USP50: variants seen among roughly 807,000 people sequenced by gnomAD.
USP50 encodes ubiquitin specific peptidase 50.
USP50 carries 37 observed loss-of-function variants against 39.2 expected under a neutral mutation model. The ratio of observed to expected loss-of-function variants is 0.94; its 90% CI spans 0.73 to 1.24. The LOEUF is 1.24. USP50 is among the 50% of genes most tolerant of loss of function. USP50 has a pLI of 0.00. For missense variants in USP50, 374 were observed against 398.2 expected (o/e 0.94, Z 0.52); for synonymous variants, 139 against 144.5 (o/e 0.96, Z 0.27).
intron 6 of USP50, among the ~76,000 whole-genome samples, chr15:50,529,257 C>A (rs1247503601): frequency 6.6e-6 from 1 of 151,754 alleles, no homozygotes; most frequent in African/African-American, 2.4e-5. Flanking sequence ...TGCTTGTAAT[C>A]CCAGCACTTT....
chr15:50,493,780 G>GGACA (rs1315274736), downstream of USP50: 1 of 518,524 alleles, frequency 1.9e-6, no homozygotes, highest in African/African-American at 1.9e-5. Context: ...GATTAGTAAA[G>GGACA]GACAGACAGG....
chr15:50,498,350 C>A, downstream of USP50: 1 of 401,266 alleles, frequency 2.5e-6, no homozygotes, highest in Non-Finnish European at 4.4e-6. Context: ...AGAGTATAGT[C>A]CTACCTCTAC....
intron 6 of USP50, among the ~76,000 whole-genome samples, chr15:50,526,508 A>T (rs2052899647): frequency 6.6e-6 from 1 of 152,262 alleles, no homozygotes; most frequent in African/African-American, 2.4e-5. Flanking sequence ...TATTGTTAGC[A>T]TATGGTTGCC....
intron 1 of USP50, among the ~76,000 whole-genome samples, chr15:50,494,937 C>A (rs1459497753): frequency 6.6e-6 from 1 of 151,652 alleles, no homozygotes; most frequent in Non-Finnish European, 1.5e-5. Context: ...ATCGCTTGAA[C>A]CTGGGAGGCA....
At chr15:50,517,129 A>G (rs2052809753) in intron 6 of USP50, among the ~76,000 whole-genome samples, 1 of 152,204 alleles carries the variant, frequency 6.6e-6, no homozygotes, top group African/African-American at 2.4e-5. Context: ...GCACATGCAG[A>G]ATATTCTCCA....
At chr15:50,508,456 C>A (rs1404961525) in intron 6 of USP50, 1 of 151,932 alleles carries the variant, frequency 6.6e-6, no homozygotes, top group African/African-American at 2.4e-5. Context: ...TTGAAATATT[C>A]TATAATAAAA....
At chr15:50,530,719 G>T (rs1313776899) in intron 5 of USP50, among the ~76,000 whole-genome samples, 1 of 152,126 alleles carries the variant, frequency 6.6e-6, no homozygotes, top group Non-Finnish European at 1.5e-5. Context: ...TTGAATCAAG[G>T]AGTGAGATAG....
At chr15:50,530,728 A>G (rs761863600) in intron 5 of USP50, among the ~76,000 whole-genome samples, 16 of 152,230 alleles carry the variant, frequency 1.1e-4, no homozygotes, top group Non-Finnish European at 1.8e-4. Flanking sequence ...GGAGTGAGAT[A>G]GCAAAGATTC....
intron 6 of USP50, among the ~76,000 whole-genome samples, chr15:50,527,637 TA>T (rs1311156983): frequency 6.8e-6 from 1 of 146,528 alleles, no homozygotes; most frequent in Non-Finnish European, 1.5e-5. Flanking sequence ...CTTAGTTTTT[TA>T]TTGTTGTTTT....
chr15:50,544,827 T>C, intron 1 of USP50, 46 bp from the exon 2 acceptor site: 5 of 1,552,372 alleles, frequency 3.2e-6, no homozygotes, highest in Non-Finnish European at 4.4e-6. Flanking sequence ...GAGAACAAAA[T>C]ATGTACAAAT....
chr15:50,497,618 T>C (rs1031575881), downstream of USP50: 2 of 153,242 alleles, frequency 1.3e-5, no homozygotes, highest in African/African-American at 4.8e-5. Flanking sequence ...AGTATTTTAA[T>C]GATAAAATAT....
rs1596003567 is a variant in USP50 at position 50,505,296 on chromosome 15, A to G, written c.937-4459T>C. The G allele has an allele frequency of 3.3e-5, 5 of 152,266 alleles. No homozygotes were observed. The Middle Eastern group carries it at 0.014, about 414-fold the overall frequency. The allele number at this position is 152,266 out of a possible 1,614,324, so 9.4% of individuals were successfully genotyped here. On this transcript the variant is annotated intron_variant, in intron 6 of 6. Coordinates refer to ENST00000532404, the MANE Select transcript of USP50 (RefSeq NM_203494.5). ...CTTAAAAGCAACCAGAAAGAAAAAG[A>G]GAGTTTACCCACAAGAATCTAACCT...
At chr15:50,508,263 T>C (rs1360178643) in intron 6 of USP50, 1 of 151,880 alleles carries the variant, frequency 6.6e-6, no homozygotes, top group Non-Finnish European at 1.5e-5. Flanking sequence ...GTAATGAAAA[T>C]ACTATATCAA....
Position 50,546,495 on chromosome 15 carries a change from C to A in USP50, c.31G>T (p.Asp11Tyr). Residue 11 changes from aspartate (D) to tyrosine (Y), a missense_variant, in exon 1 of 7, where the codon GAC (aspartate) becomes TAC (tyrosine). Coordinates refer to ENST00000532404, the MANE Select transcript of USP50 (RefSeq NM_203494.5). ...CACAGGACGTGGTAGATATCGAAGT[C>A]ATCTGCAGGGAGAGACGGCTGAGAA... is the stretch of plus-strand genomic sequence containing the variant. The part of the protein sequence containing the change: MTSQPSLPAD[D>Y]FDIYHVLAEC... 1 of 1,613,732 alleles carries A rather than the reference C, an allele frequency of 6.2e-7. No individual in the cohort carries two copies. Among genetic ancestry groups the A allele is most frequent in the South Asian group, 1.1e-5 (1 of 91,048 alleles).
At chr15:50,501,040 A>G (rs1461006277) in intron 6 of USP50, 3 of 514,892 alleles carry the variant, frequency 5.8e-6, no homozygotes, top group African/African-American at 5.7e-5. Context: ...TGTTGTGCCC[A>G]TTGACTATCA....
At chr15:50,499,476 C>CAGAT (rs771283189), downstream of USP50, 225 of 155,932 alleles carry the variant, frequency 1.4e-3, no homozygotes, top group Middle Eastern at 0.017. Context: ...TGATGTAAAG[C>CAGAT]AGATAGGAAT....
At chr15:50,501,807 A>G (rs1396185429) in intron 6 of USP50, 3 of 152,200 alleles carry the variant, frequency 2.0e-5, no homozygotes, top group Non-Finnish European at 2.9e-5. Flanking sequence ...TGTAAGACCC[A>G]TGCATTAGCA....
chr15:50,542,399 T>A (rs2053036125), intron 3 of USP50, among the ~76,000 whole-genome samples: 1 of 151,810 alleles, frequency 6.6e-6, no homozygotes, highest in Admixed American at 6.6e-5. Context: ...GAAGAGGACA[T>A]AAGTGATTTT....
At position 50,500,564 on chromosome 15, in the gene USP50, AG is replaced by A. The variant is rs1596000093; in HGVS notation, c.*204del. The A allele has an allele frequency of 3.0e-5, 15 of 503,288 alleles. No individual in the cohort carries two copies. The East Asian group carries it at 4.8e-4, about 16-fold the overall frequency. The allele number at this position is 503,288 out of a possible 1,614,324, so 31.2% of individuals were successfully genotyped here. A position where few individuals can be genotyped will look rare whatever the true frequency, so the allele number is the denominator to read the frequency against. Reference sequence around the variant, plus strand: ...CATAAAAATGTTAATGATGCAAGTAAGTTCTAAGAGTTTAATGACCAAGCAA... The same window carrying A: ...CATAAAAATGTTAATGATGCAAGTAATTCTAAGAGTTTAATGACCAAGCAA... On this transcript the variant is annotated 3_prime_UTR_variant, in exon 7 of 7. Transcript: ENST00000532404.
Sources: gnomAD v4.1 joint callset for allele counts (sites outside exome capture counted in the v4.1 genomes callset) on GRCh38, gnomAD v4.1.1 for gene constraint, MANE v1.5 for transcripts, NCBI Gene and HGNC (gene_info 2026-07-23, HGNC 2026-07-21) for gene names.